The following LUC7L3 variants were observed in gnomAD, a reference collection of about 807,000 sequenced individuals.
The protein encoded by LUC7L3 is luc7-like protein 3.
A neutral mutation model predicts 66.8 loss-of-function variants in LUC7L3; 6 were observed. The ratio of observed to expected loss-of-function variants is 0.09; its 90% CI spans 0.05 to 0.18. LUC7L3 has a LOEUF of 0.18. LUC7L3 is among the 10% of genes least tolerant of loss of function. LUC7L3 has a pLI of 1.00. For missense variants in LUC7L3, 341 were observed against 531.1 expected (o/e 0.64, Z 3.52); for synonymous variants, 160 against 174.7 (o/e 0.92, Z 0.66).
chr17:50,743,535 A>G (rs140278923), intron 5 of LUC7L3, 171 bp from the exon 6 acceptor site: 178 of 550,454 alleles, frequency 3.2e-4, no homozygotes, highest in Middle Eastern at 5.0e-4. Context: ...CACATCAGTT[A>G]TACTTTATTG....
intron 1 of LUC7L3, among the ~76,000 whole-genome samples, chr17:50,735,059 C>T (rs879361130): frequency 1.3e-5 from 2 of 151,838 alleles, no homozygotes; most frequent in Admixed American, 6.6e-5. Context: ...GGAGAAACCC[C>T]ATCTCTACTA....
At chr17:50,727,033 G>T (rs1002056165) in intron 1 of LUC7L3, among the ~76,000 whole-genome samples, 1 of 152,040 alleles carries the variant, frequency 6.6e-6, no homozygotes, top group African/African-American at 2.4e-5. Context: ...AGGTTGCAGT[G>T]AGCCGAGATC....
chr17:50,739,110 CAT>C (rs1307980386), intron 2 of LUC7L3, among the ~76,000 whole-genome samples: 2 of 152,132 alleles, frequency 1.3e-5, no homozygotes, highest in African/African-American at 4.8e-5. Context: ...TCCACCAAAA[CAT>C]GTCCATAAAC....
chr17:50,736,751 A>G, intron 1 of LUC7L3: 4 of 485,692 alleles, frequency 8.2e-6, no homozygotes, highest in South Asian at 2.9e-5. Context: ...AGAAAATACT[A>G]GTAATACGAG....
Position 50,751,151 on chromosome 17 carries a change from T to G in LUC7L3, c.*490T>G, listed in dbSNP as rs1970960551. 2.7e-6 allele frequency: 4 copies of G among 1,476,110 alleles called. No individual in the cohort carries two copies. Among genetic ancestry groups the G allele is most frequent in the Non-Finnish European group, 3.6e-6 (4 of 1,119,140 alleles). The allele number at this position is 1,476,110 out of a possible 1,614,324, so 91.4% of individuals were successfully genotyped here. The stretch of plus-strand genomic sequence containing the variant: ...TTTGTTTTAATTAAACTGCTAGTAT[T>G]TCTTTGTCAAGGATGTTTCTAGTTT... On this transcript the variant is annotated 3_prime_UTR_variant, in exon 10 of 10. Transcript: ENST00000505658.
At chr17:50,740,823 G>C in intron 3 of LUC7L3, among the ~76,000 whole-genome samples, 1 of 152,146 alleles carries the variant, frequency 6.6e-6, no homozygotes, top group East Asian at 1.9e-4. Context: ...GCCTCCCAAA[G>C]TGCTGGGATT....
intron 1 of LUC7L3, among the ~76,000 whole-genome samples, chr17:50,732,214 T>C (rs1416412557): frequency 6.6e-6 from 1 of 152,206 alleles, no homozygotes; most frequent in Non-Finnish European, 1.5e-5. Context: ...GAACAGTAGA[T>C]AAAGTAGAAA....
At chr17:50,729,989 TG>T (rs1969480107) in intron 1 of LUC7L3, among the ~76,000 whole-genome samples, 1 of 144,114 alleles carries the variant, frequency 6.9e-6, no homozygotes, top group African/African-American at 2.5e-5. Context: ...TGTCTGGCTC[TG>T]TTACCCAGGC....
chr17:50,730,447 G>A (rs747552090), intron 1 of LUC7L3, among the ~76,000 whole-genome samples: 37 of 147,220 alleles, frequency 2.5e-4, no homozygotes, highest in Non-Finnish European at 4.3e-4. Flanking sequence ...GAGCCTGGGA[G>A]GTAGAGGTAG....
At chr17:50,737,235 C>G (rs1293017034) in intron 2 of LUC7L3, 59 of 652,062 alleles carry the variant, frequency 9.0e-5, no homozygotes, top group Non-Finnish European at 1.6e-4. Flanking sequence ...ACATACATGT[C>G]TATTTCCACT....
chr17:50,739,568 C>T (rs1970211819), intron 2 of LUC7L3, among the ~76,000 whole-genome samples: 1 of 152,216 alleles, frequency 6.6e-6, no homozygotes, highest in East Asian at 1.9e-4. Context: ...GCAGGAGAAT[C>T]CCTTGAACCT....
chr17:50,740,985 A>G, intron 3 of LUC7L3, 117 bp from the exon 4 acceptor site: 1 of 966,524 alleles, frequency 1.0e-6, no homozygotes, highest in South Asian at 1.4e-5. Flanking sequence ...CTTCAAATAC[A>G]CCTGGTTTAC....
chr17:50,733,408 T>TC (rs1215615581), intron 1 of LUC7L3, among the ~76,000 whole-genome samples: 1 of 145,658 alleles, frequency 6.9e-6, no homozygotes, highest in East Asian at 2.0e-4. Context: ...GTTTTTTTTT[T>TC]TTTTTTTTTT....
intron 4 of LUC7L3, 125 bp downstream of exon 4, chr17:50,741,371 TA>T: frequency 1.0e-6 from 1 of 975,790 alleles, no homozygotes; most frequent in Non-Finnish European, 1.5e-6. Flanking sequence ...ATGAAACTTA[TA>T]GGGCATTCAT....
Position 50,750,526 on chromosome 17 carries a change from A to T in LUC7L3, c.1164A>T (p.Lys388Asn). Reference sequence around the variant, plus strand: ...AAAAGAGGGGATCTGATGATAAAAAAAGTAGTGTGAAGTCCGGTAGTCGAG... The same window carrying T: ...AAAAGAGGGGATCTGATGATAAAAATAGTAGTGTGAAGTCCGGTAGTCGAG... ...EKEKRGSDDK[K>N]SSVKSGSREK... The change falls in exon 10 of 10, where the codon AAA becomes AAT. Residue 388 changes from lysine (K) to asparagine (N), a missense_variant. Coordinates refer to ENST00000505658, the MANE Select transcript of LUC7L3 (RefSeq NM_016424.5). 7 of 1,613,914 alleles carry T rather than the reference A, an allele frequency of 4.3e-6. No homozygotes were observed. The highest frequency in any genetic ancestry group is 5.9e-6 in the Non-Finnish European group (7 of 1,179,916).
At chr17:50,725,235 C>A (rs953768098) in intron 1 of LUC7L3, among the ~76,000 whole-genome samples, 1 of 152,028 alleles carries the variant, frequency 6.6e-6, no homozygotes, top group Admixed American at 6.6e-5. Flanking sequence ...CATGGCGAAA[C>A]CCTGTCTCTA....
chr17:50,754,522 T>G lies in LUC7L3; in HGVS notation c.*3861T>G, dbSNP rs565505303. The G allele has an allele frequency of 6.6e-6, 1 of 152,328 alleles. No homozygotes were observed. The highest frequency in any genetic ancestry group is 2.4e-5 in the African/African-American group (1 of 41,588). 9.4% of individuals were successfully genotyped at this position (152,328 alleles called of 1,614,324 possible). A position where few individuals can be genotyped will look rare whatever the true frequency, so the allele number is the denominator to read the frequency against. On this transcript the variant is annotated 3_prime_UTR_variant, in exon 10 of 10. Transcript: ENST00000505658. ...ACTTTTGTTGGTCATCAAACTATAT[T>G]AGCACTGGTCCAATAGTTTAATTTT...
intron 1 of LUC7L3, among the ~76,000 whole-genome samples, chr17:50,728,023 C>G (rs1037948149): frequency 6.7e-6 from 1 of 149,826 alleles, no homozygotes; most frequent in Admixed American, 6.7e-5. Flanking sequence ...GAGGCTGAGA[C>G]GGGAGAATGG....
At chr17:50,724,221 CT>C in intron 1 of LUC7L3, 1 of 186,380 alleles carries the variant, frequency 5.4e-6, no homozygotes. Flanking sequence ...AATACAAGGA[CT>C]TTAAAAAAAA....
Sources: allele counts gnomAD v4.1 joint callset (sites outside exome capture counted in the v4.1 genomes callset), GRCh38; gene constraint gnomAD v4.1.1; transcripts MANE v1.5; gene names NCBI Gene and HGNC (gene_info 2026-07-23, HGNC 2026-07-21).